PCDHGA1: variants seen among roughly 807,000 people sequenced by gnomAD.
The protein encoded by PCDHGA1 is protocadherin gamma-A1.
PCDHGA1 carries 32 observed loss-of-function variants against 58.0 expected under a neutral mutation model. That is an observed-to-expected ratio of 0.55 (90% CI 0.42 to 0.74). The LOEUF (loss-of-function observed/expected upper bound fraction) is 0.74, where lower values mean the gene tolerates loss of function less well. Ranked by LOEUF, PCDHGA1 falls within the 30% of genes least tolerant of loss-of-function variation. The pLI is 0.00. For synonymous variants in PCDHGA1, 498 were observed against 501.1 expected, an observed-to-expected ratio of 0.99 and a Z score of 0.08; for missense variants, 1,205 against 1,182.3, an observed-to-expected ratio of 1.02 and a Z score of -0.28.
Position 141,399,560 on chromosome 5 carries a change from G to A in PCDHGA1, c.2421+66455G>A, listed in dbSNP as rs1354621756. The A allele has an allele frequency of 6.8e-6, 11 of 1,613,906 alleles. No homozygotes were observed. The Admixed American group carries it at 1.3e-4, about 20-fold the overall frequency. ...GTCTGCGCCTCGGACCTGGACTTGG[G>A]GTTGAACGGCCAAGTCTCCTACTCT... is the stretch of plus-strand genomic sequence containing the variant. On this transcript the variant is annotated intron_variant, in intron 1 of 3. Coordinates refer to ENST00000517417, the MANE Select transcript of PCDHGA1 (RefSeq NM_018912.3).
intron 1 of PCDHGA1, chr5:141,441,810 C>T (rs2098275091): frequency 6.4e-5 from 24 of 372,574 alleles, no homozygotes; most frequent in Middle Eastern, 7.2e-4. Flanking sequence ...GGTGCTGTAC[C>T]CCAGCTCTGG....
intron 1 of PCDHGA1, chr5:141,400,677 ATTGTGAGTT>A (rs1177028391): frequency 1.1e-6 from 1 of 900,130 alleles, no homozygotes; most frequent in African/African-American, 1.7e-5. Flanking sequence ...GGAGCAGTAA[ATTGTGAGTT>A]TTTATGTCGC....
chr5:141,432,374 C>A lies in PCDHGA1; in HGVS notation c.2422-62433C>A. 2.5e-6 allele frequency: 4 copies of A among 1,614,240 alleles called. No individual in the cohort carries two copies. Among genetic ancestry groups the A allele is most frequent in the Non-Finnish European group, 3.4e-6 (4 of 1,180,042 alleles). On this transcript the variant is annotated intron_variant, in intron 1 of 3. Coordinates refer to ENST00000517417, the MANE Select transcript of PCDHGA1 (RefSeq NM_018912.3). This position sits in a 1 kb window ranked among gnomAD's most constrained non-coding sequence, Gnocchi z 6.0. ...GAAAGTGATGGCGCGGGACAACGGG[C>A]ACCCGCCCCTCAGCAGCAACGTGTC...
intron 1 of PCDHGA1, among the ~76,000 whole-genome samples, chr5:141,373,276 G>T (rs1769464753): frequency 6.6e-6 from 1 of 152,204 alleles, no homozygotes; most frequent in Non-Finnish European, 1.5e-5. Flanking sequence ...CACAGATGTT[G>T]CCTATGTCAG....
chr5:141,404,533 T>A, intron 1 of PCDHGA1: 2 of 1,613,926 alleles, frequency 1.2e-6, no homozygotes. Flanking sequence ...AGTTTAGAGA[T>A]TTGCAAATGC....
intron 3 of PCDHGA1, 90 bp from the exon 4 acceptor site, chr5:141,510,857 A>G (rs1184962556): frequency 6.2e-7 from 1 of 1,605,538 alleles, no homozygotes; most frequent in Non-Finnish European, 8.5e-7. Flanking sequence ...AGGGTGCTGT[A>G]TAGGCATTCA....
At chr5:141,404,484 C>G in intron 1 of PCDHGA1, 1 of 1,613,504 alleles carries the variant, frequency 6.2e-7, no homozygotes, top group East Asian at 2.2e-5. Context: ...AACTCAGACA[C>G]TGGTGTGCTG....
At chr5:141,384,254 T>A in intron 1 of PCDHGA1, 3 of 1,613,674 alleles carry the variant, frequency 1.9e-6, no homozygotes, top group Non-Finnish European at 2.5e-6. Context: ...CCACCCACCT[T>A]CCCCCACTCA....
intron 1 of PCDHGA1, chr5:141,393,983 A>T: frequency 1.9e-6 from 3 of 1,613,710 alleles, no homozygotes; most frequent in Non-Finnish European, 2.5e-6. Context: ...GTGATAATTT[A>T]CCTTTTAAAT....
intron 1 of PCDHGA1, chr5:141,395,466 TC>T (rs951026760): frequency 3.5e-6 from 2 of 577,354 alleles, no homozygotes; most frequent in Non-Finnish European, 5.8e-6. Context: ...TTTTAAGCCT[TC>T]CAGTATTTTA....
chr5:141,428,031 G>A (rs760882803), intron 1 of PCDHGA1: 6 of 1,607,376 alleles, frequency 3.7e-6, no homozygotes, highest in South Asian at 3.3e-5. Context: ...CGCAGAGTCC[G>A]GCTACCTGGT....
intron 1 of PCDHGA1, chr5:141,428,211 C>A: frequency 7.8e-7 from 1 of 1,284,316 alleles, no homozygotes; most frequent in Non-Finnish European, 1.1e-6. Context: ...CTACGCTTCA[C>A]CTAGTCTTCG....
chr5:141,418,897 A>T, intron 1 of PCDHGA1: 1 of 1,613,980 alleles, frequency 6.2e-7, no homozygotes, highest in Non-Finnish European at 8.5e-7. Flanking sequence ...ACAGCCCAGA[A>T]ATAATCATCA....
intron 1 of PCDHGA1, chr5:141,392,507 T>TC (rs2092547058): frequency 4.3e-6 from 1 of 231,946 alleles, no homozygotes; most frequent in East Asian, 8.6e-5. Context: ...GATTTTTTTT[T>TC]CTCAGTAATC....
Position 141,486,589 on chromosome 5 carries a change from C to T in PCDHGA1, c.2422-8218C>T. On this transcript the variant is annotated intron_variant, in intron 1 of 3. Transcript: ENST00000517417. The surrounding 1 kb of genome is among the most constrained non-coding windows in gnomAD (Gnocchi z 5.0). ...TTCCTGAGAACAATCGCCCAGGGGA[C>T]CTGCTTTGCTCCCTTGCAGCCTCTG... 1 of 1,613,676 alleles carries T rather than the reference C, an allele frequency of 6.2e-7. No individual in the cohort carries two copies. Among genetic ancestry groups the T allele is most frequent in the African/African-American group, 1.3e-5 (1 of 75,064 alleles).
chr5:141,472,132 A>C (rs1004365239), intron 1 of PCDHGA1, among the ~76,000 whole-genome samples: 3 of 152,272 alleles, frequency 2.0e-5, no homozygotes, highest in African/African-American at 7.2e-5. Flanking sequence ...GAGAAGTTAA[A>C]AATAAAAGTT....
intron 1 of PCDHGA1, chr5:141,341,581 T>G: frequency 8.5e-7 from 1 of 1,181,762 alleles, no homozygotes; most frequent in Non-Finnish European, 1.2e-6. Flanking sequence ...AGAAGAGACG[T>G]GAGAATCTTT....
intron 1 of PCDHGA1, chr5:141,394,466 C>T (rs765078363): frequency 1.2e-6 from 2 of 1,614,222 alleles, no homozygotes; most frequent in Non-Finnish European, 8.5e-7. Flanking sequence ...TGAGCCTGTT[C>T]GTGCTGGACC....
intron 1 of PCDHGA1, chr5:141,407,886 A>G (rs1390921977): frequency 2.6e-6 from 1 of 384,594 alleles, no homozygotes; most frequent in Non-Finnish European, 4.6e-6. Context: ...CATTTCGGAG[A>G]CCGAATTCAA....
Sources: gnomAD v4.1 joint callset for allele counts (sites outside exome capture counted in the v4.1 genomes callset) on GRCh38, gnomAD v4.1.1 for gene constraint, Gnocchi (gnomAD v3.1) non-coding constraint, MANE v1.5 for transcripts, NCBI Gene and HGNC (gene_info 2026-07-23, HGNC 2026-07-21) for gene names.